RPH3A: variants seen among roughly 807,000 people sequenced by gnomAD.
The protein encoded by RPH3A is rabphilin 3A.
In RPH3A, 48 loss-of-function variants were observed where a neutral mutation model predicts 102.2. That is an observed-to-expected ratio of 0.47 (90% CI 0.37 to 0.60). The LOEUF (loss-of-function observed/expected upper bound fraction) is 0.60. Ranked by LOEUF, RPH3A falls within the 20% of genes least tolerant of loss-of-function variation. The pLI is 0.00. For synonymous variants in RPH3A, 310 were observed against 324.3 expected, an observed-to-expected ratio of 0.96 and a Z score of 0.47; for missense variants, 781 against 910.1, an observed-to-expected ratio of 0.86 and a Z score of 1.83.
intron 4 of RPH3A, among the ~76,000 whole-genome samples, chr12:112,839,125 A>T (rs1388206464): frequency 2.6e-5 from 4 of 152,164 alleles, no homozygotes; most frequent in African/African-American, 9.7e-5. Flanking sequence ...TACCAGTGAA[A>T]GTCTTTCTTT....
intron 17 of RPH3A, among the ~76,000 whole-genome samples, chr12:112,888,991 G>T (rs1225113339): frequency 6.6e-6 from 1 of 151,296 alleles, no homozygotes; most frequent in Non-Finnish European, 1.5e-5. Context: ...CAGCACCCCT[G>T]GTCTCTCTGG....
Position 112,726,980 on chromosome 12 carries a change from G to A in RPH3A, c.-139-65163G>A, listed in dbSNP as rs562523097. Among the ~76,000 whole-genome samples, 10 of 151,972 alleles carry A rather than the reference G, an allele frequency of 6.6e-5. No homozygotes were observed. In the East Asian group the frequency reaches 7.7e-4, roughly 12 times the overall value. The stretch of plus-strand genomic sequence containing the variant: ...AGAGGTTGCAGTGAGCCGAGACTGC[G>A]CCACTGCACTGAAGCTGGGGCGACA... On this transcript the variant is annotated intron_variant, in intron 1 of 21. Transcript: ENST00000543106.
chr12:112,800,124 C>T (rs563228231), intron 2 of RPH3A, among the ~76,000 whole-genome samples: 3 of 152,002 alleles, frequency 2.0e-5, no homozygotes, highest in Non-Finnish European at 2.9e-5. Flanking sequence ...AACTCCAGAC[C>T]GCGTGAAGTG....
At chr12:112,894,696 T>C in intron 20 of RPH3A, 37 bp downstream of exon 20, 1 of 1,594,922 alleles carries the variant, frequency 6.3e-7, no homozygotes, top group South Asian at 1.1e-5. Flanking sequence ...CTCTGGGATA[T>C]TTGCTGTGTG....
chr12:112,884,928 A>G (rs184045356), intron 16 of RPH3A, among the ~76,000 whole-genome samples: 1 of 152,104 alleles, frequency 6.6e-6, no homozygotes, highest in African/African-American at 2.4e-5. Flanking sequence ...AGGACAAGTT[A>G]ATTTTGTCTG....
intron 1 of RPH3A, among the ~76,000 whole-genome samples, chr12:112,728,393 A>G (rs1592967228): frequency 6.6e-6 from 1 of 152,062 alleles, no homozygotes; most frequent in Non-Finnish European, 1.5e-5. Context: ...ATCCTTTGGC[A>G]GGAGGACCAT....
chr12:112,821,653 A>G (rs1304847112), intron 2 of RPH3A, among the ~76,000 whole-genome samples: 1 of 152,060 alleles, frequency 6.6e-6, no homozygotes, highest in Non-Finnish European at 1.5e-5. Flanking sequence ...ATTTAAAATC[A>G]CACTTCCCCC....
chr12:112,845,300 A>G (rs943272624), intron 4 of RPH3A, among the ~76,000 whole-genome samples: 11 of 152,002 alleles, frequency 7.2e-5, no homozygotes, highest in African/African-American at 2.7e-4. Flanking sequence ...GCCAGACTCA[A>G]TCTCTCCCCT....
chr12:112,788,987 C>T (rs751456061), upstream of RPH3A, among the ~76,000 whole-genome samples: 6 of 152,100 alleles, frequency 3.9e-5, no homozygotes, highest in Admixed American at 2.0e-4. Flanking sequence ...GGCGAAACCC[C>T]GTCTCTACTA....
At chr12:112,600,857 A>G (rs1439677963) in intron 1 of RPH3A, among the ~76,000 whole-genome samples, 5 of 152,238 alleles carry the variant, frequency 3.3e-5, no homozygotes, top group Admixed American at 6.5e-5. Context: ...TTATAAAGAA[A>G]AGAGGTTTAA....
At chr12:112,861,337 G>T (rs1303043109) in intron 5 of RPH3A, among the ~76,000 whole-genome samples, 1 of 152,222 alleles carries the variant, frequency 6.6e-6, no homozygotes, top group African/African-American at 2.4e-5. Flanking sequence ...CATTGGTTGG[G>T]TATCTTGTCC....
intron 2 of RPH3A, among the ~76,000 whole-genome samples, chr12:112,805,699 C>A (rs1289454278): frequency 6.6e-6 from 1 of 152,088 alleles, no homozygotes; most frequent in Non-Finnish European, 1.5e-5. Context: ...CGTTAGGGGG[C>A]AGTTGTGTGA....
At chr12:112,787,071 A>G (rs1417379870), upstream of RPH3A, among the ~76,000 whole-genome samples, 1 of 151,842 alleles carries the variant, frequency 6.6e-6, no homozygotes, top group Non-Finnish European at 1.5e-5. Flanking sequence ...CTCTCCCCCT[A>G]TACTTCCATC....
intron 1 of RPH3A, among the ~76,000 whole-genome samples, chr12:112,627,064 T>C (rs967687847): frequency 3.2e-5 from 3 of 93,646 alleles, no homozygotes; most frequent in African/African-American, 1.2e-4. Context: ...TGTGGTGGGG[T>C]GGGGGGAGGG....
intron 14 of RPH3A, among the ~76,000 whole-genome samples, chr12:112,881,398 A>G (rs2042908029): frequency 6.6e-6 from 1 of 152,148 alleles, no homozygotes. Context: ...TCCTAGCAAT[A>G]ACAATCCAGC....
chr12:112,592,054 C>T (rs2039482705), intron 1 of RPH3A, among the ~76,000 whole-genome samples: 2 of 152,222 alleles, frequency 1.3e-5, no homozygotes, highest in South Asian at 4.2e-4. Flanking sequence ...ATACCTAATA[C>T]AATGTAAATG....
chr12:112,785,020 C>T (rs1253439806), intron 1 of RPH3A, among the ~76,000 whole-genome samples: 1 of 151,950 alleles, frequency 6.6e-6, no homozygotes. Context: ...GTCGGGAGTT[C>T]GAGACCAACC....
At chr12:112,795,166 C>G (rs565991410) in intron 2 of RPH3A, among the ~76,000 whole-genome samples, 1 of 152,186 alleles carries the variant, frequency 6.6e-6, no homozygotes, top group East Asian at 1.9e-4. Flanking sequence ...CTCTTTCCCT[C>G]TCTGTGAATG....
chr12:112,884,699 T>G (rs2042976991), intron 16 of RPH3A, among the ~76,000 whole-genome samples: 1 of 152,266 alleles, frequency 6.6e-6, no homozygotes, highest in Non-Finnish European at 1.5e-5. Context: ...TGCAAACTGC[T>G]TTCCCAATTG....
Sources: gnomAD v4.1 joint callset for allele counts (sites outside exome capture counted in the v4.1 genomes callset) on GRCh38, gnomAD v4.1.1 for gene constraint, MANE v1.5 for transcripts, NCBI Gene and HGNC (gene_info 2026-07-23, HGNC 2026-07-21) for gene names.